The following MAPK10 variants were observed in gnomAD, a reference collection of about 807,000 sequenced individuals.
The protein encoded by MAPK10 is JNK3 alpha protein kinase.
In MAPK10, 25 loss-of-function variants were observed where a neutral mutation model predicts 59.3. That is an observed-to-expected ratio of 0.42 (90% CI 0.31 to 0.59). MAPK10 has a LOEUF of 0.59. Ranked by LOEUF, MAPK10 falls within the 20% of genes least tolerant of loss-of-function variation. The pLI, the probability that MAPK10 is intolerant of heterozygous loss-of-function variation, is 0.15. For synonymous variants in MAPK10, 190 were observed against 200.5 expected (o/e 0.95, Z 0.44); for missense variants, 351 against 568.9 (o/e 0.62, Z 3.90).
intron 3 of MAPK10, among the ~76,000 whole-genome samples, chr4:86,177,777 A>T (rs966282179): frequency 6.6e-6 from 1 of 152,088 alleles, no homozygotes; most frequent in African/African-American, 2.4e-5. Context: ...GAAATTTCCA[A>T]AGATTGAAAA....
At chr4:86,534,141 G>A (rs980704469) in intron 1 of MAPK10, among the ~76,000 whole-genome samples, 3 of 152,060 alleles carry the variant, frequency 2.0e-5, no homozygotes, top group African/African-American at 7.2e-5. Context: ...AAAAGGCAGA[G>A]GCCCTGTCTT....
chr4:86,149,091 A>T (rs1257008194), intron 4 of MAPK10, among the ~76,000 whole-genome samples: 1 of 152,042 alleles, frequency 6.6e-6, no homozygotes, highest in Non-Finnish European at 1.5e-5. Context: ...ATTGTTCCCA[A>T]ATTTCTCCCA....
At chr4:86,123,256 T>C (rs1206823640) in intron 4 of MAPK10, among the ~76,000 whole-genome samples, 1 of 152,086 alleles carries the variant, frequency 6.6e-6, no homozygotes, top group African/African-American at 2.4e-5. Context: ...GATTATTACC[T>C]TATTGTGTAT....
chr4:86,458,951 G>A (rs933539536), intron 1 of MAPK10, among the ~76,000 whole-genome samples: 1 of 152,034 alleles, frequency 6.6e-6, no homozygotes, highest in African/African-American at 2.4e-5. Flanking sequence ...ACAGCAGAAG[G>A]AACAGTCAGC....
intron 2 of MAPK10, among the ~76,000 whole-genome samples, chr4:86,195,093 T>C (rs1000932842): frequency 9.2e-5 from 14 of 152,216 alleles, no homozygotes; most frequent in Non-Finnish European, 1.9e-4. Flanking sequence ...ATTTTCTGTA[T>C]GTTCAAAATA....
Position 86,575,251 on chromosome 4 carries a change from C to G in MAPK10, c.-263+18659G>C, listed in dbSNP as rs544495958. ...AATTATACCACTTTCCTTCATGGGT[C>G]TCCAACTTGCAGATGGCAGGTTGTG... On this transcript the variant is annotated intron_variant, in intron 1 of 4. Transcript: ENST00000502302. 1.0e-3 allele frequency among the ~76,000 whole-genome samples: 152 copies of G among 152,294 alleles called. 2 individuals are homozygous for G. Among genetic ancestry groups the G allele is most frequent in the Admixed American group, 3.9e-3 (60 of 15,300 alleles).
chr4:86,110,458 C>T (rs911150129), intron 4 of MAPK10, among the ~76,000 whole-genome samples: 1 of 152,210 alleles, frequency 6.6e-6, no homozygotes, highest in African/African-American at 2.4e-5. Flanking sequence ...GGTCAGTTTT[C>T]CCAGCACCAT....
chr4:86,584,312 G>A (rs1452633639), intron 1 of MAPK10, among the ~76,000 whole-genome samples: 1 of 152,142 alleles, frequency 6.6e-6, no homozygotes, highest in Non-Finnish European at 1.5e-5. Flanking sequence ...GACGTGTCAG[G>A]AAACTCTACA....
chr4:86,295,975 A>C (rs1326815531), intron 2 of MAPK10, among the ~76,000 whole-genome samples: 1 of 151,202 alleles, frequency 6.6e-6, no homozygotes, highest in African/African-American at 2.4e-5. Context: ...CAGGAGTTTG[A>C]GTCCGACCTG....
At chr4:86,275,478 A>G (rs1179519529) in intron 2 of MAPK10, among the ~76,000 whole-genome samples, 3 of 152,090 alleles carry the variant, frequency 2.0e-5, no homozygotes, top group Non-Finnish European at 4.4e-5. Context: ...TATTTTATCA[A>G]CGTAGAAGAC....
chr4:86,551,646 C>T (rs1282617430), intron 1 of MAPK10, among the ~76,000 whole-genome samples: 1 of 151,938 alleles, frequency 6.6e-6, no homozygotes, highest in East Asian at 1.9e-4. Flanking sequence ...CACTCTATCA[C>T]CCAGGCTGGA....
intron 3 of MAPK10, among the ~76,000 whole-genome samples, chr4:86,176,539 G>C (rs1016553505): frequency 6.6e-6 from 1 of 152,066 alleles, no homozygotes; most frequent in African/African-American, 2.4e-5. Context: ...ATACAGAAAA[G>C]TTAATTATCA....
chr4:86,545,097 C>A (rs933744541), intron 1 of MAPK10, among the ~76,000 whole-genome samples: 2 of 152,112 alleles, frequency 1.3e-5, no homozygotes, highest in African/African-American at 4.8e-5. Context: ...CAAATAGTGT[C>A]ACATGGCTCA....
rs72665760 is a variant in MAPK10, at chr4:86,583,759, T to C, written c.-263+10151A>G. ...TACTTGGGGCCAATAGTCTTTCTGATGCACTGCCCTAAAAGAGTTCATATT... is the reference window on the plus strand; with the variant it reads ...TACTTGGGGCCAATAGTCTTTCTGACGCACTGCCCTAAAAGAGTTCATATT... On this transcript the variant is annotated intron_variant, in intron 1 of 4. Transcript: ENST00000502302. Among the ~76,000 whole-genome samples, 296 of 152,350 alleles carry C rather than the reference T, an allele frequency of 1.9e-3. 1 individual carries two copies. Among genetic ancestry groups the C allele is most frequent in the Non-Finnish European group, 3.5e-3 (240 of 68,036 alleles).
At chr4:86,173,612 A>C (rs976489339) in intron 3 of MAPK10, among the ~76,000 whole-genome samples, 4 of 152,240 alleles carry the variant, frequency 2.6e-5, no homozygotes, top group Non-Finnish European at 5.9e-5. Context: ...ATTGCAACAA[A>C]AGCAAAAATT....
At chr4:86,131,073 A>G (rs1160687520) in intron 4 of MAPK10, among the ~76,000 whole-genome samples, 2 of 152,208 alleles carry the variant, frequency 1.3e-5, no homozygotes, top group Non-Finnish European at 2.9e-5. Flanking sequence ...GAGGGAAATG[A>G]GTACATGAGG....
At position 86,174,431 on chromosome 4, in the gene MAPK10, C is replaced by T. The variant is rs115451919; in HGVS notation, c.67-14964G>A. Among the ~76,000 whole-genome samples the T allele has an allele frequency of 8.1e-3, 1,238 of 152,058 alleles. 15 individuals carry two copies. The highest frequency in any genetic ancestry group is 0.028 in the African/African-American group (1,170 of 41,466). On this transcript the variant is annotated intron_variant, in intron 3 of 13. Coordinates refer to ENST00000641462, the MANE Select transcript of MAPK10 (RefSeq NM_138982.4). ...GAGCTGAAAAATGAGAGCACATGGACGCAGGGAGGGGAACAACACACACTG... is the reference window on the plus strand; with the variant it reads ...GAGCTGAAAAATGAGAGCACATGGATGCAGGGAGGGGAACAACACACACTG...
intron 9 of MAPK10, among the ~76,000 whole-genome samples, chr4:86,097,256 C>T (rs4414943): frequency 6.6e-6 from 1 of 151,882 alleles, no homozygotes; most frequent in Non-Finnish European, 1.5e-5. Flanking sequence ...CTAGACAGTG[C>T]AGTTCTAGAA....
intron 2 of MAPK10, among the ~76,000 whole-genome samples, chr4:86,261,211 TA>T (rs1242146812): frequency 1.3e-5 from 2 of 152,216 alleles, no homozygotes; most frequent in African/African-American, 4.8e-5. Flanking sequence ...TCCTTCACAA[TA>T]ATAATAGTTT....
Sources: allele counts gnomAD v4.1 joint callset (sites outside exome capture counted in the v4.1 genomes callset), GRCh38; gene constraint gnomAD v4.1.1; transcripts MANE v1.5; gene names NCBI Gene and HGNC (gene_info 2026-07-23, HGNC 2026-07-21).